The following NCOA1 variants were observed in gnomAD, a reference collection of about 807,000 sequenced individuals.
The protein encoded by NCOA1 is nuclear receptor coactivator 1, also known as Hin-2 protein.
Under a neutral mutation model 150.9 loss-of-function variants are expected in NCOA1, and 35 were observed. That is an observed-to-expected ratio of 0.23 (90% CI 0.18 to 0.31). The LOEUF (loss-of-function observed/expected upper bound fraction) is 0.31, where lower values mean the gene tolerates loss of function less well. Ranked by LOEUF, NCOA1 falls within the 10% of genes least tolerant of loss-of-function variation. The pLI, the probability that NCOA1 is intolerant of heterozygous loss-of-function variation, is 1.00. For synonymous variants in NCOA1, 590 were observed against 630.0 expected, an observed-to-expected ratio of 0.94 and a Z score of 0.95; for missense variants, 1,491 against 1,749.3, an observed-to-expected ratio of 0.85 and a Z score of 2.63.
In NCOA1 at chr2:24,638,493, A is replaced by G. The variant is rs559763596; in HGVS notation, c.-174-5473A>G. ...TACTGATTTCCTTTTATTTACCTAA[A>G]TGCCAAGTAGTAGGATTGCTGGATT... On this transcript the variant is annotated intron_variant, in intron 3 of 22. Coordinates refer to ENST00000348332, the MANE Select transcript of NCOA1 (RefSeq NM_003743.5). 9.9e-5 allele frequency among the ~76,000 whole-genome samples: 15 copies of G among 152,176 alleles called. No individual in the cohort carries two copies. The East Asian group carries it at 2.7e-3, about 27-fold the overall frequency.
At chr2:24,695,333 T>G (rs979412066) in intron 10 of NCOA1, among the ~76,000 whole-genome samples, 2 of 152,104 alleles carry the variant, frequency 1.3e-5, no homozygotes, top group Non-Finnish European at 2.9e-5. Context: ...CCAACCTAGA[T>G]TTACAAATGA....
intron 3 of NCOA1, among the ~76,000 whole-genome samples, chr2:24,625,484 T>C (rs1030232688): frequency 6.6e-6 from 1 of 152,204 alleles, no homozygotes; most frequent in Non-Finnish European, 1.5e-5. Context: ...TTGTTAATTT[T>C]TTCTACTGTT....
chr2:24,625,412 A>C (rs916350857), intron 3 of NCOA1, among the ~76,000 whole-genome samples: 7 of 150,506 alleles, frequency 4.7e-5, no homozygotes, highest in African/African-American at 1.7e-4. Flanking sequence ...GAATGTGTTC[A>C]TGGCCACATG....
At chr2:24,495,092 G>GTTTTTTT (rs200403397) in intron 1 of NCOA1, among the ~76,000 whole-genome samples, 1 of 103,618 alleles carries the variant, frequency 9.7e-6, no homozygotes, top group Non-Finnish European at 2.1e-5. Context: ...AGATGAAGGT[G>GTTTTTTT]TTTTTTTTTT....
chr2:24,762,657 G>T (rs978407970), intron 21 of NCOA1, 30 bp from the exon 22 acceptor site: 1 of 1,589,924 alleles, frequency 6.3e-7, no homozygotes, highest in Non-Finnish European at 8.6e-7. Flanking sequence ...CAACTAGCTT[G>T]TAATTTGATC....
chr2:24,727,162 A>G (rs1405533644), intron 15 of NCOA1, among the ~76,000 whole-genome samples: 1 of 149,940 alleles, frequency 6.7e-6, no homozygotes, highest in Admixed American at 6.6e-5. Context: ...AAAAAAAAAA[A>G]GGGTGGCGGG....
chr2:24,694,364 G>A (rs1478677830), intron 10 of NCOA1, among the ~76,000 whole-genome samples: 1 of 152,028 alleles, frequency 6.6e-6, no homozygotes, highest in East Asian at 1.9e-4. Flanking sequence ...AATATTAAAG[G>A]TATATTTTCT....
chr2:24,499,841 C>T (rs982156705), intron 1 of NCOA1, among the ~76,000 whole-genome samples: 4 of 152,218 alleles, frequency 2.6e-5, no homozygotes, highest in African/African-American at 4.8e-5. Context: ...CCCTAGCCAA[C>T]GTTACTCGTT....
intron 1 of NCOA1, among the ~76,000 whole-genome samples, chr2:24,558,953 A>C (rs1404695342): frequency 6.6e-6 from 1 of 151,986 alleles, no homozygotes; most frequent in Non-Finnish European, 1.5e-5. Context: ...CTGAGCACTT[A>C]GGTTCCACTT....
intron 2 of NCOA1, among the ~76,000 whole-genome samples, chr2:24,570,844 T>G (rs1450726401): frequency 6.6e-6 from 1 of 152,142 alleles, no homozygotes; most frequent in East Asian, 1.9e-4. Context: ...ATATGTCTTG[T>G]TTTTCAACGA....
intron 1 of NCOA1, among the ~76,000 whole-genome samples, chr2:24,552,449 G>A (rs56216054): frequency 0.048 from 6,513 of 137,114 alleles, 237 homozygotes; most frequent in East Asian, 0.21. Context: ...TCACTGCAAC[G>A]TCTGCCTCCT....
chr2:24,717,905 C>CTTTTT (rs34785770), intron 14 of NCOA1, among the ~76,000 whole-genome samples: 1 of 138,050 alleles, frequency 7.2e-6, no homozygotes, highest in East Asian at 2.1e-4. Context: ...TGGTTAATAT[C>CTTTTT]TTTTTTTTTT....
chr2:24,509,862 T>G (rs774695949), intron 1 of NCOA1, among the ~76,000 whole-genome samples: 1 of 152,238 alleles, frequency 6.6e-6, no homozygotes, highest in Non-Finnish European at 1.5e-5. Flanking sequence ...TTTTATCTCT[T>G]TAGCTGGGTA....
chr2:24,565,958 CCCTG>C (rs1666487052), intron 2 of NCOA1, among the ~76,000 whole-genome samples: 1 of 152,156 alleles, frequency 6.6e-6, no homozygotes, highest in Admixed American at 6.5e-5. Context: ...GGTGTCACTG[CCCTG>C]GCTCAAGGAA....
intron 3 of NCOA1, among the ~76,000 whole-genome samples, chr2:24,590,516 A>G (rs898946214): frequency 6.6e-6 from 1 of 152,198 alleles, no homozygotes; most frequent in Non-Finnish European, 1.5e-5. Context: ...ATTTATCAAT[A>G]AGGTTTTATA....
At chr2:24,535,995 C>T (rs926718654) in intron 1 of NCOA1, among the ~76,000 whole-genome samples, 1 of 152,120 alleles carries the variant, frequency 6.6e-6, no homozygotes, top group African/African-American at 2.4e-5. Context: ...GAATGTTGGC[C>T]TGCCTTGCTA....
intron 3 of NCOA1, among the ~76,000 whole-genome samples, chr2:24,611,983 C>G (rs1284872571): frequency 6.6e-6 from 1 of 151,982 alleles, no homozygotes; most frequent in East Asian, 1.9e-4. Context: ...ACTGTAGTTT[C>G]TATTGTGTGG....
At chr2:24,509,463 G>T (rs1041102078) in intron 1 of NCOA1, among the ~76,000 whole-genome samples, 11 of 152,326 alleles carry the variant, frequency 7.2e-5, no homozygotes, top group African/African-American at 2.4e-4. Context: ...TGAGAAGTAC[G>T]CTGGGATGAC....
intron 3 of NCOA1, among the ~76,000 whole-genome samples, chr2:24,611,724 G>GTA (rs1460257401): frequency 2.0e-5 from 3 of 152,040 alleles, no homozygotes; most frequent in African/African-American, 7.2e-5. Flanking sequence ...TTTATATGAT[G>GTA]TAAGACTTGC....
Sources: allele counts gnomAD v4.1 joint callset (sites outside exome capture counted in the v4.1 genomes callset), GRCh38; gene constraint gnomAD v4.1.1; transcripts MANE v1.5; gene names NCBI Gene and HGNC (gene_info 2026-07-23, HGNC 2026-07-21).